FSIP2: variants seen among roughly 807,000 people sequenced by gnomAD.
FSIP2 encodes the protein fibrous sheath interacting protein 2.
Under a neutral mutation model 510.5 loss-of-function variants are expected in FSIP2, and 367 were observed. The ratio of observed to expected loss-of-function variants is 0.72; its 90% CI spans 0.66 to 0.78. The LOEUF (loss-of-function observed/expected upper bound fraction) is 0.78, where lower values mean the gene tolerates loss of function less well. Among genes scored for constraint, FSIP2 ranks in the 30% least tolerant of loss-of-function variants. The pLI is 0.00. For missense variants in FSIP2, 7,594 were observed against 7,901.7 expected (o/e 0.96, Z 1.48); for synonymous variants, 2,601 against 2,732.2 (o/e 0.95, Z 1.50).
In FSIP2 at chr2:185,790,522, TAGAC is replaced by T. The variant is rs1693096192; in HGVS notation, c.3389_3392del (p.Asp1130AlafsTer24). The T allele has an allele frequency of 1.3e-6, 2 of 1,534,242 alleles. No individual in the cohort carries two copies. The highest frequency in any genetic ancestry group is 8.7e-7 in the Non-Finnish European group (1 of 1,145,650). The stretch of plus-strand genomic sequence containing the variant: ...ATATCTTCCGTTCCTTTTGGTCACT[TAGAC>T]AGCAAAACTGGCAGTGAAGCTTCAG... On this transcript the variant is annotated frameshift_variant, in exon 16 of 23. Transcript: ENST00000424728. LOFTEE classifies it high-confidence loss of function.
chr2:185,804,207 C>T lies in FSIP2; in HGVS notation c.14901C>T (p.Asn4967=), dbSNP rs574205478. The T allele has an allele frequency of 2.6e-4, 390 of 1,517,536 alleles. 5 individuals carry two copies. In the South Asian group the frequency reaches 4.1e-3, roughly 16 times the overall value. 94.0% of individuals were successfully genotyped at this position (1,517,536 alleles called of 1,614,324 possible). A position where few individuals can be genotyped will look rare whatever the true frequency, so the allele number is the denominator to read the frequency against. ...LCKILYAFSH[N]MLVTENPDRV... Reference sequence around the variant, plus strand: ...AAATTCTTTATGCATTTTCACATAACATGTTGGTTACTGAAAATCCAGATA... The same window carrying T: ...AAATTCTTTATGCATTTTCACATAATATGTTGGTTACTGAAAATCCAGATA... Residue 4967 remains asparagine, a synonymous_variant, in exon 17 of 23, where the codon AAC becomes AAT. Transcript: ENST00000424728.
In FSIP2 at chr2:185,753,712, A is replaced by T; in HGVS notation, c.871-10A>T. ...TAATATTAACCAATATATTTTCTTT[A>T]ATATTGTAGAAACAAGATCTTCTAG... is the stretch of plus-strand genomic sequence containing the variant. On this transcript the variant is annotated splice_polypyrimidine_tract_variant and intron_variant, in intron 7 of 22. Coordinates refer to ENST00000424728, the MANE Select transcript of FSIP2 (RefSeq NM_173651.4). 9.4e-7 allele frequency: 1 copy of T among 1,066,134 alleles called. No individual in the cohort carries two copies. Among genetic ancestry groups the T allele is most frequent in the South Asian group, 1.6e-5 (1 of 63,318 alleles). 66.0% of individuals were successfully genotyped at this position (1,066,134 alleles called of 1,614,324 possible).
chr2:185,767,421 T>A (rs1396214746), intron 13 of FSIP2, among the ~76,000 whole-genome samples: 2 of 152,174 alleles, frequency 1.3e-5, no homozygotes, highest in East Asian at 3.9e-4. Context: ...GTACATTAGA[T>A]CTTCCACACT....
chr2:185,786,036 T>C lies in FSIP2; in HGVS notation c.1470-216T>C, dbSNP rs149177991. Reference sequence around the variant, plus strand: ...TGTTTATGCAGCAGCTATAATTCTGTACCCCTGGGTAATAAAGCACATTTC... The same window carrying C: ...TGTTTATGCAGCAGCTATAATTCTGCACCCCTGGGTAATAAAGCACATTTC... On this transcript the variant is annotated intron_variant, in intron 14 of 22. Transcript: ENST00000424728. Among the ~76,000 whole-genome samples the C allele has an allele frequency of 3.1e-3, 473 of 151,990 alleles. 3 individuals carry two copies. The highest frequency in any genetic ancestry group is 0.011 in the African/African-American group (451 of 41,526).
At chr2:185,757,858 T>A (rs1574158693) in intron 9 of FSIP2, among the ~76,000 whole-genome samples, 2 of 151,400 alleles carry the variant, frequency 1.3e-5, no homozygotes, top group Admixed American at 1.3e-4. Context: ...TAAACAGATG[T>A]ATAGATTTGT....
chr2:185,756,592 A>T (rs1032621840), intron 9 of FSIP2, among the ~76,000 whole-genome samples: 1 of 151,464 alleles, frequency 6.6e-6, no homozygotes, highest in African/African-American at 2.4e-5. Context: ...TGCTCAAAAT[A>T]ATCTCAGAAA....
At chr2:185,760,408 G>GAAA (rs11428864) in intron 9 of FSIP2, among the ~76,000 whole-genome samples, 1 of 144,236 alleles carries the variant, frequency 6.9e-6, no homozygotes, top group Non-Finnish European at 1.5e-5. Context: ...CAGTAAAAAT[G>GAAA]AAAAAAAAAT....
chr2:185,750,302 G>C (rs952830291), intron 7 of FSIP2, among the ~76,000 whole-genome samples: 58 of 151,506 alleles, frequency 3.8e-4, no homozygotes, highest in African/African-American at 1.3e-3. Flanking sequence ...TTTGTGGGGA[G>C]ATACTTAACT....
At position 185,795,941 on chromosome 2, in the gene FSIP2, A is replaced by G; in HGVS notation, c.8805A>G (p.Gln2935=). 6.5e-7 allele frequency: 1 copy of G among 1,534,666 alleles called. No individual in the cohort carries two copies. Among genetic ancestry groups the G allele is most frequent in the Non-Finnish European group, 8.7e-7 (1 of 1,145,978 alleles). ...AACTACAGCTATGCTTTCTGTCCCA[A>G]ATTCCCACTCCAGATAGTGAAGAAA... ...LEKLQLCFLS[Q]IPTPDSEETL... Residue 2935 remains glutamine, a synonymous_variant, in exon 16 of 23, where the codon CAA becomes CAG. Coordinates refer to ENST00000424728, the MANE Select transcript of FSIP2 (RefSeq NM_173651.4).
intron 13 of FSIP2, among the ~76,000 whole-genome samples, chr2:185,779,665 TGC>T (rs1462516549): frequency 6.6e-6 from 1 of 152,112 alleles, no homozygotes; most frequent in Non-Finnish European, 1.5e-5. Flanking sequence ...TCAGTCAAAT[TGC>T]TTTCTTATTA....
chr2:185,823,327 A>G (rs1693959224), intron 19 of FSIP2, among the ~76,000 whole-genome samples: 1 of 151,866 alleles, frequency 6.6e-6, no homozygotes, highest in African/African-American at 2.4e-5. Context: ...TAAATAATTA[A>G]TATTCAGAAT....
Position 185,792,312 on chromosome 2 carries a change from T to C in FSIP2, c.5176T>C (p.Phe1726Leu), listed in dbSNP as rs1693155111. 1.3e-6 allele frequency: 2 copies of C among 1,530,838 alleles called. No individual in the cohort carries two copies. The highest frequency in any genetic ancestry group is 2.4e-5 in the South Asian group (2 of 83,238). The allele number at this position is 1,530,838 out of a possible 1,614,324, so 94.8% of individuals were successfully genotyped here. Residue 1726 changes from phenylalanine (F) to leucine (L), a missense_variant, in exon 16 of 23, where the codon TTT becomes CTT. Physicochemically the swap from Phe to Leu is conservative, Grantham distance 22. Transcript: ENST00000424728. Reference sequence around the variant, plus strand: ...TCCTGGAGGAGCTGAATCAGATTCATTTCTAGAAGATGATGCATATACAGC... The same window carrying C: ...TCCTGGAGGAGCTGAATCAGATTCACTTCTAGAAGATGATGCATATACAGC... ...SLPGGAESDS[F>L]LEDDAYTAKK...
intron 2 of FSIP2, 102 bp downstream of exon 2, chr2:185,739,573 C>T (rs1473539775): frequency 5.5e-6 from 6 of 1,099,146 alleles, no homozygotes; most frequent in Admixed American, 7.1e-5. Context: ...TTTGCATCAA[C>T]ATTTACAGGA....
rs932324541 is a variant in FSIP2, at chr2:185,803,434, G to A, written c.14128G>A (p.Glu4710Lys). 8 of 1,530,828 alleles carry A rather than the reference G, an allele frequency of 5.2e-6. No homozygotes were observed. The highest frequency in any genetic ancestry group is 6.1e-6 in the Non-Finnish European group (7 of 1,144,168). The allele number at this position is 1,530,828 out of a possible 1,614,324, so 94.8% of individuals were successfully genotyped here. Residue 4710 changes from glutamate (E) to lysine (K), a missense_variant, in exon 17 of 23, where the codon GAA becomes AAA. Transcript: ENST00000424728. ...GTACAGCAAAGTTTTGCAAGAATAT[G>A]AAATGGAAGTCGTGCCCAATAAAGA... ...MVYSKVLQEYEMEVVPNKDFL... is the reference protein window; with the variant it reads ...MVYSKVLQEYKMEVVPNKDFL...
At chr2:185,784,373 G>T (rs952722796) in intron 14 of FSIP2, among the ~76,000 whole-genome samples, 6 of 152,006 alleles carry the variant, frequency 3.9e-5, no homozygotes, top group Non-Finnish European at 8.8e-5. Context: ...TTGGGTAATA[G>T]TCTGATGGTT....
At chr2:185,777,620 T>C (rs1289494018) in intron 13 of FSIP2, among the ~76,000 whole-genome samples, 1 of 152,164 alleles carries the variant, frequency 6.6e-6, no homozygotes, top group Non-Finnish European at 1.5e-5. Context: ...GTGGTGAATT[T>C]TGACTTTTTA....
chr2:185,739,828 A>G (rs1203763361), intron 2 of FSIP2, among the ~76,000 whole-genome samples: 1 of 152,104 alleles, frequency 6.6e-6, no homozygotes, highest in Non-Finnish European at 1.5e-5. Flanking sequence ...CCATTTAATG[A>G]TATGTTACGA....
chr2:185,800,827 A>G lies in FSIP2; in HGVS notation c.11521A>G (p.Thr3841Ala), dbSNP rs1189794930. 6.5e-7 allele frequency: 1 copy of G among 1,534,316 alleles called. No homozygotes were observed. The highest frequency in any genetic ancestry group is 2.0e-5 in the Admixed American group (1 of 50,840). The change falls in exon 17 of 23, where the codon ACT (threonine) becomes GCT (alanine). Residue 3841 changes from threonine to alanine, a missense_variant. Physicochemically the swap from Thr to Ala is moderately conservative, Grantham distance 58. Transcript: ENST00000424728. ...CTTATTGACATCAGACTCTATGCTTACTATTATTTCCCACAGCTTGGTTAA... is the reference window on the plus strand; with the variant it reads ...CTTATTGACATCAGACTCTATGCTTGCTATTATTTCCCACAGCTTGGTTAA... ...QDLLTSDSML[T>A]IISHSLVKSL...
chr2:185,744,100 G>A (rs1691978761), intron 3 of FSIP2, among the ~76,000 whole-genome samples: 1 of 151,834 alleles, frequency 6.6e-6, no homozygotes, highest in African/African-American at 2.4e-5. Context: ...TAATGTTTTT[G>A]GATAGAAATT....
Sources: allele counts gnomAD v4.1 joint callset (sites outside exome capture counted in the v4.1 genomes callset), GRCh38; gene constraint gnomAD v4.1.1; transcripts MANE v1.5; gene names NCBI Gene and HGNC (gene_info 2026-07-23, HGNC 2026-07-21).